The following TNFSF4 variants were observed in gnomAD, a reference collection of about 807,000 sequenced individuals.
TNFSF4 encodes tumor necrosis factor ligand superfamily member 4.
Under a neutral mutation model 7.3 loss-of-function variants are expected in TNFSF4, and 4 were observed. The ratio of observed to expected loss-of-function variants is 0.55; its 90% CI spans 0.27 to 1.25. The LOEUF (loss-of-function observed/expected upper bound fraction) is 1.25. TNFSF4 is among the 50% of genes most tolerant of loss of function. The probability of loss-of-function intolerance (pLI) is 0.12; values close to 1 mark genes in which losing one functional copy is unlikely to be tolerated. For missense variants in TNFSF4, 181 were observed against 208.8 expected (o/e 0.87, Z 0.82); for synonymous variants, 76 against 83.7 (o/e 0.91, Z 0.50).
At chr1:173,327,405 A>G in the TNFSF4 span, among the ~76,000 whole-genome samples, 1 of 152,014 alleles carries the variant, frequency 6.6e-6, no homozygotes, top group Non-Finnish European at 1.5e-5. Flanking sequence ...AAACCCTAGA[A>G]GAAAACCTAG....
At chr1:173,207,808 AG>A (rs1213345272), upstream of TNFSF4, among the ~76,000 whole-genome samples, 2 of 152,222 alleles carry the variant, frequency 1.3e-5, no homozygotes, top group African/African-American at 4.8e-5. Context: ...GAAGTAAAGG[AG>A]AGATCCTTGG....
the TNFSF4 span, among the ~76,000 whole-genome samples, chr1:173,316,489 T>A: frequency 1.3e-5 from 2 of 152,062 alleles, no homozygotes; most frequent in Non-Finnish European, 2.9e-5. Flanking sequence ...AAACTTTAGA[T>A]CTAGAAGAAA....
the TNFSF4 span, among the ~76,000 whole-genome samples, chr1:173,379,762 G>T: frequency 6.6e-6 from 1 of 152,194 alleles, no homozygotes; most frequent in Non-Finnish European, 1.5e-5. Context: ...GACAGAAAAT[G>T]GAGCAGGCCA....
the TNFSF4 span, among the ~76,000 whole-genome samples, chr1:173,176,029 G>A: frequency 6.6e-6 from 1 of 152,138 alleles, no homozygotes; most frequent in Admixed American, 6.6e-5. Flanking sequence ...CATGGCTGGG[G>A]CGTAGACTCA....
At chr1:173,357,780 C>A in the TNFSF4 span, among the ~76,000 whole-genome samples, 4 of 152,148 alleles carry the variant, frequency 2.6e-5, no homozygotes, top group Non-Finnish European at 5.9e-5. Flanking sequence ...GGTGATCTGC[C>A]CGCCTCAGCC....
chr1:173,324,209 C>T, the TNFSF4 span, among the ~76,000 whole-genome samples: 2 of 152,210 alleles, frequency 1.3e-5, no homozygotes, highest in Non-Finnish European at 2.9e-5. Context: ...GGCCAATATT[C>T]AACATTCTTA....
chr1:173,293,089 A>G, the TNFSF4 span, among the ~76,000 whole-genome samples: 526 of 152,098 alleles, frequency 3.5e-3, no homozygotes, highest in Middle Eastern at 0.014. Flanking sequence ...CTGATTTAAT[A>G]GTATTCATAT....
chr1:173,277,499 A>C, the TNFSF4 span, among the ~76,000 whole-genome samples: 1 of 152,148 alleles, frequency 6.6e-6, no homozygotes, highest in Non-Finnish European at 1.5e-5. Context: ...GAAGAGTGGC[A>C]AGGAGGAATA....
the TNFSF4 span, among the ~76,000 whole-genome samples, chr1:173,375,247 T>C: frequency 6.6e-6 from 1 of 152,184 alleles, no homozygotes; most frequent in Non-Finnish European, 1.5e-5. Context: ...AACTCACAAC[T>C]TCTACCAAGG....
downstream of TNFSF4, among the ~76,000 whole-genome samples, chr1:173,179,512 C>T (rs549264405): frequency 1.3e-5 from 2 of 152,292 alleles, no homozygotes; most frequent in African/African-American, 2.4e-5. Flanking sequence ...TCTATACACA[C>T]CCCTTTAATC....
the TNFSF4 span, among the ~76,000 whole-genome samples, chr1:173,332,368 G>A: frequency 6.6e-6 from 1 of 152,112 alleles, no homozygotes; most frequent in African/African-American, 2.4e-5. Flanking sequence ...CTGCCTTCCA[G>A]GGAAACCAGC....
the TNFSF4 span, among the ~76,000 whole-genome samples, chr1:173,173,107 A>C: frequency 1.1e-4 from 16 of 152,162 alleles, no homozygotes; most frequent in African/African-American, 3.6e-4. Flanking sequence ...ATCACCTCCC[A>C]TGAGGTCTCT....
At chr1:173,208,930 G>A (rs913684632), upstream of TNFSF4, among the ~76,000 whole-genome samples, 9 of 150,092 alleles carry the variant, frequency 6.0e-5, no homozygotes, top group South Asian at 8.4e-4. Context: ...GCTGAAAATC[G>A]TAGATAACAT....
At chr1:173,284,960 A>C in the TNFSF4 span, among the ~76,000 whole-genome samples, 2 of 152,192 alleles carry the variant, frequency 1.3e-5, no homozygotes, top group East Asian at 1.9e-4. Context: ...TTTGACTTTC[A>C]AGTTCTATTA....
At chr1:173,272,930 T>A in the TNFSF4 span, among the ~76,000 whole-genome samples, 1 of 152,160 alleles carries the variant, frequency 6.6e-6, no homozygotes, top group Admixed American at 6.6e-5. Flanking sequence ...TTTCTGCAGC[T>A]GATTTGGGAA....
chr1:173,381,342 C>T, the TNFSF4 span, among the ~76,000 whole-genome samples: 1 of 152,186 alleles, frequency 6.6e-6, no homozygotes, highest in Non-Finnish European at 1.5e-5. Context: ...TGCCACCCGA[C>T]ATTTACAGGA....
the TNFSF4 span, among the ~76,000 whole-genome samples, chr1:173,391,037 C>T: frequency 2.2e-4 from 34 of 152,030 alleles, no homozygotes; most frequent in Non-Finnish European, 2.6e-4. Context: ...TGAGCCACTG[C>T]GCCCAGCCTT....
the TNFSF4 span, among the ~76,000 whole-genome samples, chr1:173,429,480 G>A: frequency 6.6e-6 from 1 of 152,212 alleles, no homozygotes; most frequent in African/African-American, 2.4e-5. Flanking sequence ...GAAGCTGAGA[G>A]GGGACCCCGT....
chr1:173,376,759 A>T, the TNFSF4 span, among the ~76,000 whole-genome samples: 3 of 152,236 alleles, frequency 2.0e-5, no homozygotes, highest in African/African-American at 4.8e-5. Context: ...CAACCAGCTC[A>T]GGTCCCCTTC....
Sources: gnomAD v4.1 joint callset for allele counts (sites outside exome capture counted in the v4.1 genomes callset) on GRCh38, gnomAD v4.1.1 for gene constraint, MANE v1.5 for transcripts, NCBI Gene and HGNC (gene_info 2026-07-23, HGNC 2026-07-21) for gene names.